HUWE1: variants seen among roughly 807,000 people sequenced by gnomAD.
HUWE1 encodes E3 ubiquitin-protein ligase HUWE1.
A neutral mutation model predicts 299.4 loss-of-function variants in HUWE1; 18 were observed. The observed-to-expected ratio is 0.06, with a 90% CI of 0.04 to 0.09. The LOEUF (loss-of-function observed/expected upper bound fraction) is 0.09. HUWE1 is among the 10% of genes least tolerant of loss of function. The pLI is 1.00. For missense variants in HUWE1, 1,832 were observed against 3,462.3 expected, an observed-to-expected ratio of 0.53 and a Z score of 11.82; for synonymous variants, 1,317 against 1,286.1, an observed-to-expected ratio of 1.02 and a Z score of -0.51.
chrX:53,538,724 ACTCTCTCTCT>A (rs782578229), intron 76 of HUWE1, 101 bp downstream of exon 76: 9 of 425,392 alleles, frequency 2.1e-5, no homozygotes, highest in African/African-American at 1.2e-4. Context: ...ACACACACAC[ACTCTCTCTCT>A]CTCTCTCTCT....
intron 4 of HUWE1, among the ~76,000 whole-genome samples, chrX:53,649,688 T>A (rs1275207015): frequency 8.9e-6 from 1 of 112,242 alleles, no homozygotes; most frequent in Non-Finnish European, 1.9e-5. Context: ...ATAGATAACA[T>A]GGAAATTTGA....
At chrX:53,548,560 C>T (rs2061643115) in intron 67 of HUWE1, among the ~76,000 whole-genome samples, 1 of 112,698 alleles carries the variant, frequency 8.9e-6, no homozygotes, top group Non-Finnish European at 1.9e-5. Flanking sequence ...GGAGATTAAA[C>T]GACATGATGT....
chrX:53,566,621 T>C (rs782735951), intron 49 of HUWE1, among the ~76,000 whole-genome samples: 18 of 111,038 alleles, frequency 1.6e-4, no homozygotes, highest in African/African-American at 6.6e-5. Flanking sequence ...CAGCTAATTA[T>C]TGTATTTTTT....
intron 78 of HUWE1, chrX:53,537,328 CCTGT>C (rs2061110011): frequency 9.2e-6 from 4 of 436,154 alleles, no homozygotes; most frequent in East Asian, 3.9e-5. Context: ...CAAAGACTTT[CCTGT>C]CTGTCTGGGA....
At chrX:53,605,021 C>G (rs1556995502) in intron 25 of HUWE1, among the ~76,000 whole-genome samples, 187 bp from the exon 26 acceptor site, 2 of 111,945 alleles carry the variant, frequency 1.8e-5, no homozygotes, top group Non-Finnish European at 3.8e-5. Flanking sequence ...CTTAACATCT[C>G]TTTCTAGAGC....
At chrX:53,645,122 T>G (rs1385453138) in intron 7 of HUWE1, among the ~76,000 whole-genome samples, 189 bp downstream of exon 7, 2 of 112,346 alleles carry the variant, frequency 1.8e-5, no homozygotes, top group Admixed American at 1.9e-4. Flanking sequence ...GATTAAAGAA[T>G]TCCTTCAAAA....
chrX:53,646,423 G>A (rs1333598866), intron 6 of HUWE1, among the ~76,000 whole-genome samples: 1 of 111,669 alleles, frequency 9.0e-6, no homozygotes, highest in Admixed American at 9.5e-5. Context: ...CTCCCAAAGT[G>A]TCAGGATTAC....
chrX:53,599,689 T>C (rs1203946993), intron 29 of HUWE1, among the ~76,000 whole-genome samples: 2 of 111,933 alleles, frequency 1.8e-5, no homozygotes, highest in Non-Finnish European at 3.8e-5. Flanking sequence ...TATCCGAGAA[T>C]CAAGATAGCT....
At chrX:53,682,813 A>T (rs1359111166) in intron 2 of HUWE1, among the ~76,000 whole-genome samples, 8 of 111,590 alleles carry the variant, frequency 7.2e-5, no homozygotes, top group Non-Finnish European at 1.5e-4. Context: ...GAGGCAGGGA[A>T]GACAGAAAGC....
chrX:53,666,383 T>C (rs980682999), intron 3 of HUWE1, among the ~76,000 whole-genome samples: 3 of 111,820 alleles, frequency 2.7e-5, no homozygotes, highest in Non-Finnish European at 3.8e-5. Flanking sequence ...AATAGAACAA[T>C]AGCCCTGTGT....
rs782518860 is a variant in HUWE1, at chrX:53,535,430, C to G, written c.12603G>C (p.Glu4201Asp). ...PNGANILVTEENKKEYVHLVC... is the reference protein window; with the variant it reads ...PNGANILVTEDNKKEYVHLVC... The stretch of plus-strand genomic sequence containing the variant: ...CCAGGTGTACATACTCCTTCTTATT[C>G]TCCTCTGTTACCAAGATGTTGGCCC... The change falls in exon 81 of 84, where the codon GAG becomes GAC. Residue 4201 changes from glutamate (E) to aspartate (D), a missense_variant. Glu to Asp is a conservative substitution (Grantham distance 45). This residue lies in a region of HUWE1 where 129 missense variants were observed against 439.4 expected (regional missense o/e 0.29). Coordinates refer to ENST00000262854, the MANE Select transcript of HUWE1 (RefSeq NM_031407.7). The G allele has an allele frequency of 4.0e-5, 48 of 1,206,404 alleles. No individual in the cohort carries two copies. The highest frequency in any genetic ancestry group is 5.2e-5 in the Non-Finnish European group (46 of 892,033).
chrX:53,582,762 C>CT (rs1294870292), intron 42 of HUWE1, among the ~76,000 whole-genome samples: 38 of 105,372 alleles, frequency 3.6e-4, no homozygotes, highest in East Asian at 5.9e-4. Flanking sequence ...CTGTTGTCTT[C>CT]TTTTTTTTTT....
intron 3 of HUWE1, among the ~76,000 whole-genome samples, chrX:53,663,916 C>T (rs1366515022): frequency 9.1e-6 from 1 of 109,897 alleles, no homozygotes; most frequent in Non-Finnish European, 1.9e-5. Flanking sequence ...AAGAAATACA[C>T]ATTATTAGTA....
intron 42 of HUWE1, among the ~76,000 whole-genome samples, chrX:53,582,192 A>AG (rs2063654298): frequency 8.9e-6 from 1 of 112,593 alleles, no homozygotes. Context: ...TCATCCAATG[A>AG]GGACCTACAC....
chrX:53,542,548 A>C lies in HUWE1; in HGVS notation c.11380-9T>G. On this transcript the variant is annotated splice_polypyrimidine_tract_variant and intron_variant, in intron 73 of 83. Coordinates refer to ENST00000262854, the MANE Select transcript of HUWE1 (RefSeq NM_031407.7). ...GACTGGCTAGACTCCGACTGGATAA[A>C]AGGGAGACAAAAATCACATAAGGGT... The C allele has an allele frequency of 1.3e-5, 15 of 1,126,298 alleles. No individual in the cohort carries two copies. The highest frequency in any genetic ancestry group is 1.8e-5 in the Non-Finnish European group (15 of 817,619). 92.8% of individuals were successfully genotyped at this position (1,126,298 alleles called of 1,213,427 possible).
At chrX:53,604,540 T>C (rs2065057507) in intron 26 of HUWE1, 49 bp downstream of exon 26, 1 of 1,186,963 alleles carries the variant, frequency 8.4e-7, no homozygotes, top group Non-Finnish European at 1.1e-6. Flanking sequence ...ATGCCCTAGA[T>C]ATTTCACTGC....
chrX:53,546,982 G>C (rs1449409823), intron 68 of HUWE1, among the ~76,000 whole-genome samples, 157 bp from the exon 69 acceptor site: 1 of 112,035 alleles, frequency 8.9e-6, no homozygotes, highest in Non-Finnish European at 1.9e-5. Context: ...TAAATGACTT[G>C]GGATGATAAA....
chrX:53,591,257 A>AT, intron 33 of HUWE1, 135 bp from the exon 34 acceptor site: 1 of 669,652 alleles, frequency 1.5e-6, no homozygotes, highest in Non-Finnish European at 2.3e-6. Context: ...AGCTAGGGCA[A>AT]TTAGGTAAAA....
At chrX:53,551,981 A>G (rs1556929517) in intron 63 of HUWE1, among the ~76,000 whole-genome samples, 1 of 111,740 alleles carries the variant, frequency 8.9e-6, no homozygotes, top group South Asian at 3.8e-4. Context: ...GCTAGACTGC[A>G]TGCACTGTTA....
Sources: allele counts gnomAD v4.1 joint callset (sites outside exome capture counted in the v4.1 genomes callset), GRCh38; gene constraint gnomAD v4.1.1; regional missense constraint gnomAD v4.1.1; transcripts MANE v1.5; gene names NCBI Gene and HGNC (gene_info 2026-07-23, HGNC 2026-07-21).